Variants in TMCO4 observed in about 807,000 individuals in gnomAD.
TMCO4 encodes transmembrane and coiled-coil domain-containing protein 4.
In TMCO4, 58 loss-of-function variants were observed where a neutral mutation model predicts 64.7. The ratio of observed to expected loss-of-function variants is 0.90; its 90% CI spans 0.73 to 1.12. The LOEUF (loss-of-function observed/expected upper bound fraction) is 1.12. Among genes scored for constraint, TMCO4 ranks in the 50% most tolerant of loss-of-function variants. The pLI is 0.00. For synonymous variants in TMCO4, 325 were observed against 346.1 expected, an observed-to-expected ratio of 0.94 and a Z score of 0.68; for missense variants, 780 against 825.9, an observed-to-expected ratio of 0.94 and a Z score of 0.68.
At chr1:19,727,710 T>A (rs2095414436) in intron 13 of TMCO4, among the ~76,000 whole-genome samples, 1 of 152,122 alleles carries the variant, frequency 6.6e-6, no homozygotes, top group South Asian at 2.1e-4. Context: ...CATTAAAGGG[T>A]ATATACCCAA....
At chr1:19,755,561 G>A in intron 7 of TMCO4, 73 bp downstream of exon 7, 1 of 1,587,282 alleles carries the variant, frequency 6.3e-7, no homozygotes, top group South Asian at 1.1e-5. Context: ...AGGGAGAAGG[G>A]GACTCTGTTA....
chr1:19,762,490 G>A (rs895124998), intron 6 of TMCO4, among the ~76,000 whole-genome samples: 1 of 152,226 alleles, frequency 6.6e-6, no homozygotes, highest in African/African-American at 2.4e-5. Context: ...TGGTCCCCCT[G>A]CTTCAACAAG....
intron 13 of TMCO4, among the ~76,000 whole-genome samples, chr1:19,719,223 G>A (rs1329540704): frequency 6.6e-6 from 1 of 152,148 alleles, no homozygotes; most frequent in Admixed American, 6.6e-5. Context: ...AGACATCCGA[G>A]GCTCTGTTGG....
At chr1:19,697,652 G>T (rs1439955185) in intron 14 of TMCO4, among the ~76,000 whole-genome samples, 1 of 149,722 alleles carries the variant, frequency 6.7e-6, no homozygotes, top group Admixed American at 6.7e-5. Flanking sequence ...AGGCTGGAGT[G>T]CAGTTGCATG....
chr1:19,788,558 A>G, intron 2 of TMCO4, among the ~76,000 whole-genome samples: 1 of 151,758 alleles, frequency 6.6e-6, no homozygotes, highest in East Asian at 1.9e-4. Flanking sequence ...TTGAGATCAG[A>G]AAAAAAATAA....
intron 13 of TMCO4, among the ~76,000 whole-genome samples, chr1:19,721,558 G>T (rs963495346): frequency 6.6e-6 from 1 of 152,152 alleles, no homozygotes; most frequent in African/African-American, 2.4e-5. Flanking sequence ...GGAGGCCGAG[G>T]TGAGTGGATC....
At position 19,694,518 on chromosome 1, in the gene TMCO4, T is replaced by C; in HGVS notation, c.1416A>G (p.Thr472=). Residue 472 remains threonine (T), a synonymous_variant, in exon 15 of 16, where the codon ACA becomes ACG. Transcript: ENST00000294543. The part of the protein sequence containing the change: ...GDWLLSFVYR[T]SSVQLRVAGL... The stretch of plus-strand genomic sequence containing the variant: ...CGGCGACACGGAGCTGCACCGAGGA[T>C]GTGCGGTACACGAAACTCAGCAGCC... 6.2e-7 allele frequency: 1 copy of C among 1,614,076 alleles called. No individual in the cohort carries two copies. The highest frequency in any genetic ancestry group is 8.5e-7 in the Non-Finnish European group (1 of 1,179,946).
At chr1:19,741,813 T>C (rs906002797) in intron 10 of TMCO4, among the ~76,000 whole-genome samples, 7 of 151,120 alleles carry the variant, frequency 4.6e-5, no homozygotes, top group Admixed American at 3.3e-4. Flanking sequence ...CTCGGTTCAC[T>C]GCAACCTCCG....
intron 10 of TMCO4, among the ~76,000 whole-genome samples, chr1:19,744,915 T>A (rs552458590): frequency 3.3e-5 from 5 of 152,266 alleles, no homozygotes; most frequent in African/African-American, 1.2e-4. Flanking sequence ...ACCACTGAAT[T>A]CCTAAGACCT....
At chr1:19,735,801 C>T (rs1262460297) in intron 13 of TMCO4, among the ~76,000 whole-genome samples, 1 of 152,192 alleles carries the variant, frequency 6.6e-6, no homozygotes, top group Non-Finnish European at 1.5e-5. Flanking sequence ...ATTAATAAGA[C>T]TACATCTCTC....
At chr1:19,685,710 CTTTTTT>C (rs55783904) in intron 15 of TMCO4, among the ~76,000 whole-genome samples, 2 of 106,616 alleles carry the variant, frequency 1.9e-5, no homozygotes, top group Non-Finnish European at 1.9e-5. Context: ...AGGCCTGTTT[CTTTTTT>C]TTTTTTTTTT....
At chr1:19,772,527 G>A (rs1210730766) in intron 4 of TMCO4, among the ~76,000 whole-genome samples, 2 of 152,160 alleles carry the variant, frequency 1.3e-5, no homozygotes, top group South Asian at 2.1e-4. Flanking sequence ...GGGGATGATG[G>A]CAGAGTCCAC....
At chr1:19,739,252 T>C (rs1304846022) in intron 12 of TMCO4, among the ~76,000 whole-genome samples, 2 of 152,200 alleles carry the variant, frequency 1.3e-5, no homozygotes, top group Non-Finnish European at 2.9e-5. Flanking sequence ...AAGTACATCT[T>C]TACTAGATTC....
At chr1:19,696,211 T>G (rs1024105558) in intron 14 of TMCO4, among the ~76,000 whole-genome samples, 1 of 152,188 alleles carries the variant, frequency 6.6e-6, no homozygotes, top group African/African-American at 2.4e-5. Context: ...TGCTTTCAGG[T>G]ACCGATGATT....
At chr1:19,769,552 G>A (rs758364399) in intron 6 of TMCO4, among the ~76,000 whole-genome samples, 2 of 152,174 alleles carry the variant, frequency 1.3e-5, no homozygotes, top group Non-Finnish European at 2.9e-5. Context: ...CCTATTACAG[G>A]GTTTGGAGGA....
chr1:19,717,398 C>T (rs2095361754), intron 13 of TMCO4, among the ~76,000 whole-genome samples: 1 of 151,616 alleles, frequency 6.6e-6, no homozygotes, highest in African/African-American at 2.4e-5. Flanking sequence ...GATGTCATGG[C>T]GTAGGTCACA....
intron 10 of TMCO4, among the ~76,000 whole-genome samples, chr1:19,741,963 T>C (rs1214918237): frequency 6.6e-6 from 1 of 151,976 alleles, no homozygotes; most frequent in East Asian, 1.9e-4. Context: ...GGTCTCGAAC[T>C]CCTGACCTCA....
chr1:19,730,822 T>C (rs565790575), intron 13 of TMCO4, among the ~76,000 whole-genome samples: 2 of 152,310 alleles, frequency 1.3e-5, no homozygotes, highest in South Asian at 2.1e-4. Context: ...GTGCTCTGGG[T>C]GACTCTAGGA....
Position 19,700,749 on chromosome 1 carries a change from G to A in TMCO4, c.1382+19C>T. The A allele has an allele frequency of 6.2e-7, 1 of 1,601,578 alleles. No homozygotes were observed. Among genetic ancestry groups the A allele is most frequent in the South Asian group, 1.1e-5 (1 of 90,776 alleles). ...CGTAAGCATTGTCACTTCCCCGCTG[G>A]CACGAGGTTTGGACAGACCTGCAGT... On this transcript the variant is annotated intron_variant, in intron 14 of 15. Transcript: ENST00000294543.
Sources: allele counts gnomAD v4.1 joint callset (sites outside exome capture counted in the v4.1 genomes callset), GRCh38; gene constraint gnomAD v4.1.1; transcripts MANE v1.5; gene names NCBI Gene and HGNC (gene_info 2026-07-23, HGNC 2026-07-21).